The following MAOB variants were observed in gnomAD, a reference collection of about 807,000 sequenced individuals.
MAOB encodes the protein monoamine oxidase B.
In MAOB, 15 loss-of-function variants were observed where a neutral mutation model predicts 41.9. The observed-to-expected ratio is 0.36, with a 90% CI of 0.24 to 0.55. The LOEUF (loss-of-function observed/expected upper bound fraction) is 0.55, where lower values mean the gene tolerates loss of function less well. MAOB is among the 20% of genes least tolerant of loss of function. The pLI, the probability that MAOB is intolerant of heterozygous loss-of-function variation, is 0.86. For synonymous variants in MAOB, 167 were observed against 144.2 expected (o/e 1.16, Z -1.13); for missense variants, 345 against 398.7 (o/e 0.87, Z 1.15).
At position 43,851,445 on chromosome X, in the gene MAOB, T is replaced by C. The variant is rs1478291905; in HGVS notation, c.47-7681A>G. On this transcript the variant is annotated intron_variant, in intron 1 of 14. Coordinates refer to ENST00000378069, the MANE Select transcript of MAOB (RefSeq NM_000898.5). ...AATAATCACATTGAGGTAAATGGGG[T>C]ATCCATTTCCTTAAGCAATTGTACT... Among the ~76,000 whole-genome samples, 6 of 111,507 alleles carry C rather than the reference T, an allele frequency of 5.4e-5. No individual in the cohort carries two copies. In the East Asian group the frequency reaches 1.7e-3, roughly 31 times the overall value.
chrX:43,813,965 T>G (rs1393610524), intron 3 of MAOB, among the ~76,000 whole-genome samples: 1 of 109,434 alleles, frequency 9.1e-6, no homozygotes, highest in Non-Finnish European at 1.9e-5. Context: ...TGGTTTGAGG[T>G]TGGTTGCAAT....
chrX:43,848,247 C>G (rs746862466), intron 1 of MAOB, among the ~76,000 whole-genome samples: 9 of 111,742 alleles, frequency 8.1e-5, no homozygotes, highest in African/African-American at 2.9e-4. Flanking sequence ...AAATCAAAAT[C>G]ACCACCTGCC....
chrX:43,876,261 A>G (rs2035438934), intron 1 of MAOB, among the ~76,000 whole-genome samples: 1 of 112,031 alleles, frequency 8.9e-6, no homozygotes. Context: ...TGCCTGGCCA[A>G]TAACCACACT....
chrX:43,849,170 T>C (rs185463917), intron 1 of MAOB, among the ~76,000 whole-genome samples: 3 of 112,014 alleles, frequency 2.7e-5, no homozygotes, highest in East Asian at 2.8e-4. Flanking sequence ...ATTTTGAGCA[T>C]TGACCGTGTG....
intron 4 of MAOB, among the ~76,000 whole-genome samples, chrX:43,802,688 CA>C (rs1468887164): frequency 1.8e-5 from 2 of 109,913 alleles, no homozygotes; most frequent in African/African-American, 6.6e-5. Context: ...AACAGAAAAC[CA>C]AACACCACAT....
intron 3 of MAOB, among the ~76,000 whole-genome samples, chrX:43,804,455 A>AAGAGAGAGAG (rs367565430): frequency 2.3e-4 from 25 of 107,455 alleles, no homozygotes; most frequent in African/African-American, 8.4e-4. Context: ...CAACAGGAGA[A>AAGAGAGAGAG]AGAGAGAGAG....
chrX:43,824,829 C>A (rs967415637), intron 3 of MAOB, among the ~76,000 whole-genome samples: 1 of 113,415 alleles, frequency 8.8e-6, no homozygotes, highest in South Asian at 3.5e-4. Flanking sequence ...CACATGCACA[C>A]GCATGCACAC....
At chrX:43,788,346 T>C (rs1425953699) in intron 8 of MAOB, among the ~76,000 whole-genome samples, 3 of 111,645 alleles carry the variant, frequency 2.7e-5, no homozygotes, top group Non-Finnish European at 5.6e-5. Context: ...ACACTGGGGA[T>C]CAAATTTCAA....
At chrX:43,833,120 G>C (rs953953290) in intron 3 of MAOB, among the ~76,000 whole-genome samples, 1 of 111,549 alleles carries the variant, frequency 9.0e-6, no homozygotes, top group East Asian at 2.8e-4. Flanking sequence ...CTCATGCTCT[G>C]ACCCCATTGC....
intron 1 of MAOB, among the ~76,000 whole-genome samples, chrX:43,860,811 C>T (rs889103720): frequency 3.6e-5 from 4 of 111,206 alleles, no homozygotes; most frequent in Non-Finnish European, 7.5e-5. Context: ...CATTCTACTA[C>T]AGCCACATTG....
chrX:43,880,296 C>T (rs1223536711), intron 1 of MAOB, among the ~76,000 whole-genome samples: 1 of 112,245 alleles, frequency 8.9e-6, no homozygotes, highest in East Asian at 2.8e-4. Context: ...AGTATCCCAT[C>T]ACCCTTCTTG....
At chrX:43,821,423 C>T (rs1054991833) in intron 3 of MAOB, among the ~76,000 whole-genome samples, 1 of 111,924 alleles carries the variant, frequency 8.9e-6, no homozygotes, top group Non-Finnish European at 1.9e-5. Flanking sequence ...TCTCCTATCC[C>T]GGCTGCAGCC....
chrX:43,822,967 C>T (rs931791251), intron 3 of MAOB, among the ~76,000 whole-genome samples: 6 of 109,909 alleles, frequency 5.5e-5, no homozygotes, highest in South Asian at 4.0e-4. Context: ...AGACTTTATA[C>T]GTTTATTTTT....
At chrX:43,842,185 A>G (rs1370288062) in intron 2 of MAOB, among the ~76,000 whole-genome samples, 1 of 112,548 alleles carries the variant, frequency 8.9e-6, no homozygotes, top group African/African-American at 3.2e-5. Flanking sequence ...TCCAAATTAT[A>G]TAAGAAACTC....
At chrX:43,794,467 A>C (rs1569214517) in intron 7 of MAOB, among the ~76,000 whole-genome samples, 1 of 109,886 alleles carries the variant, frequency 9.1e-6, no homozygotes, top group South Asian at 4.0e-4. Context: ...TATTATAACT[A>C]TATGTTTCAT....
At chrX:43,843,927 T>C (rs1355041449) in intron 1 of MAOB, 163 bp from the exon 2 acceptor site, 1 of 984,389 alleles carries the variant, frequency 1.0e-6, no homozygotes, top group Non-Finnish European at 1.3e-6. Context: ...GCCCAGAGTC[T>C]GATGTTTCTG....
intron 3 of MAOB, among the ~76,000 whole-genome samples, chrX:43,815,003 C>A (rs778394936): frequency 4.5e-5 from 5 of 111,756 alleles, no homozygotes; most frequent in African/African-American, 1.6e-4. Flanking sequence ...CCACAGAAGT[C>A]TCCAAAATTA....
chrX:43,844,141 T>C lies in MAOB; in HGVS notation c.47-377A>G, dbSNP rs192363161. Among the ~76,000 whole-genome samples the C allele has an allele frequency of 1.1e-4, 12 of 111,212 alleles. No homozygotes were observed. In the East Asian group the frequency reaches 3.4e-3, roughly 32 times the overall value. ...ACTGACTTCATTCTCAGGGTAAATA[T>C]GAAAAACTGGTAAACTGAGGGACAG... On this transcript the variant is annotated intron_variant, in intron 1 of 14. Coordinates refer to ENST00000378069, the MANE Select transcript of MAOB (RefSeq NM_000898.5).
At chrX:43,861,519 G>A (rs5952817) in intron 1 of MAOB, among the ~76,000 whole-genome samples, 2,247 of 111,489 alleles carry the variant, frequency 0.02, 63 homozygotes, top group African/African-American at 0.069. Context: ...CCTGGACAAG[G>A]ATTCAAAACA....
Sources: allele counts gnomAD v4.1 joint callset (sites outside exome capture counted in the v4.1 genomes callset), GRCh38; gene constraint gnomAD v4.1.1; transcripts MANE v1.5; gene names NCBI Gene and HGNC (gene_info 2026-07-23, HGNC 2026-07-21).